The following DENND2C variants were observed in gnomAD, a reference collection of about 807,000 sequenced individuals.
DENND2C encodes DENN domain containing 2C, also known as DENN domain-containing protein 2C.
A neutral mutation model predicts 112.4 loss-of-function variants in DENND2C; 72 were observed. The observed-to-expected ratio is 0.64, with a 90% CI of 0.53 to 0.78. The LOEUF (loss-of-function observed/expected upper bound fraction) is 0.78. DENND2C is among the 30% of genes least tolerant of loss of function. The pLI, the probability that DENND2C is intolerant of heterozygous loss-of-function variation, is 0.00. For synonymous variants in DENND2C, 329 were observed against 381.6 expected (o/e 0.86, Z 1.61); for missense variants, 992 against 1,113.8 (o/e 0.89, Z 1.56).
chr1:114,613,425 A>G lies in DENND2C; in HGVS notation c.1325-2308T>C, dbSNP rs117853954. Among the ~76,000 whole-genome samples the G allele has an allele frequency of 2.6e-4, 40 of 152,344 alleles. No individual in the cohort carries two copies. In the East Asian group the frequency reaches 7.1e-3, roughly 27 times the overall value. On this transcript the variant is annotated intron_variant, in intron 8 of 20. Coordinates refer to ENST00000393274, the MANE Select transcript of DENND2C (RefSeq NM_001256404.2). Reference sequence around the variant, plus strand: ...AAAATAAATGCTGCCTATTCTTAAGATAGGTGGGAAAGACACATAAGAGAT... The same window carrying G: ...AAAATAAATGCTGCCTATTCTTAAGGTAGGTGGGAAAGACACATAAGAGAT...
rs1040275898 is a variant in DENND2C, at chr1:114,645,503, A to G, written c.-260T>C. ...AGCCTCCAGACTTGTGAGAATATCAATCTCTGGCGTTTGAACCACTCAATC... is the reference window on the plus strand; with the variant it reads ...AGCCTCCAGACTTGTGAGAATATCAGTCTCTGGCGTTTGAACCACTCAATC... On this transcript the variant is annotated 5_prime_UTR_variant, in exon 3 of 21. Coordinates refer to ENST00000393274, the MANE Select transcript of DENND2C (RefSeq NM_001256404.2). 3 of 152,192 alleles carry G rather than the reference A, an allele frequency of 2.0e-5. No individual in the cohort carries two copies. The highest frequency in any genetic ancestry group is 2.9e-5 in the Non-Finnish European group (2 of 68,042). 9.4% of individuals were successfully genotyped at this position (152,192 alleles called of 1,614,324 possible). A position where few individuals can be genotyped will look rare whatever the true frequency, so the allele number is the denominator to read the frequency against.
At chr1:114,612,042 A>G (rs1655834122) in intron 8 of DENND2C, among the ~76,000 whole-genome samples, 1 of 152,234 alleles carries the variant, frequency 6.6e-6, no homozygotes, top group Admixed American at 6.5e-5. Context: ...CTTAATATTC[A>G]AAGAACTGTT....
Position 114,620,224 on chromosome 1 carries a change from T to C in DENND2C, c.1227+1671A>G, listed in dbSNP as rs922489871. On this transcript the variant is annotated intron_variant, in intron 7 of 20. Transcript: ENST00000393274. ...TTGCATAAGGGACATCCTAAAAAGA[T>C]TCAATCCAAGGAGGGTCACAGGTAG... 1.1e-4 allele frequency among the ~76,000 whole-genome samples: 17 copies of C among 152,258 alleles called. No individual in the cohort carries two copies. In the East Asian group the frequency reaches 3.3e-3, roughly 29 times the overall value.
chr1:114,667,575 A>C (rs570269814), intron 1 of DENND2C, among the ~76,000 whole-genome samples: 12 of 152,322 alleles, frequency 7.9e-5, no homozygotes, highest in African/African-American at 2.6e-4. Context: ...TAACAAAAAA[A>C]GGGTTCCCAC....
chr1:114,657,016 G>C (rs1003027493), intron 1 of DENND2C, among the ~76,000 whole-genome samples: 1 of 152,198 alleles, frequency 6.6e-6, no homozygotes, highest in African/African-American at 2.4e-5. Context: ...CTCCCAAAGT[G>C]CTGGGATTAC....
Position 114,625,552 on chromosome 1 carries a change from T to G in DENND2C, c.433A>C (p.Thr145Pro), listed in dbSNP as rs530347272. ...ATTTTCTTCCACAGTATTTGTGAGG[T>G]ATAGAAGTTTCCTGGAGGTAATGAA... ...ETSLPPGNFYTSQILWKKIEA... is the reference protein window; with the variant it reads ...ETSLPPGNFYPSQILWKKIEA... Residue 145 changes from threonine (T) to proline (P), a missense_variant, in exon 4 of 21, where the codon ACC becomes CCC. Around this residue, in one of 3 missense-constraint regions of DENND2C, gnomAD observed 470 missense variants for 472.7 expected, o/e 0.99. Coordinates refer to ENST00000393274, the MANE Select transcript of DENND2C (RefSeq NM_001256404.2). The G allele has an allele frequency of 6.2e-7, 1 of 1,614,158 alleles. No individual in the cohort carries two copies. Among genetic ancestry groups the G allele is most frequent in the South Asian group, 1.1e-5 (1 of 91,080 alleles).
chr1:114,639,260 CA>C (rs568668171), intron 3 of DENND2C, among the ~76,000 whole-genome samples: 321 of 152,226 alleles, frequency 2.1e-3, no homozygotes, highest in Non-Finnish European at 3.8e-3. Context: ...CAGTTTCTTA[CA>C]AAATTTAACA....
intron 3 of DENND2C, among the ~76,000 whole-genome samples, chr1:114,639,514 G>A (rs1218978669): frequency 1.3e-5 from 2 of 151,334 alleles, no homozygotes; most frequent in Non-Finnish European, 2.9e-5. Flanking sequence ...CCCATGAGGT[G>A]GAGGTTGCAG....
At chr1:114,660,083 C>A (rs1319122992) in intron 1 of DENND2C, among the ~76,000 whole-genome samples, 2 of 152,186 alleles carry the variant, frequency 1.3e-5, no homozygotes, top group African/African-American at 4.8e-5. Context: ...AGCCACCATG[C>A]CTGACTGAGA....
At chr1:114,587,305 G>C in intron 20 of DENND2C, 82 bp downstream of exon 20, 3 of 1,491,222 alleles carry the variant, frequency 2.0e-6, no homozygotes, top group East Asian at 4.5e-5. Context: ...ACTTGACCTC[G>C]CAAAGTGCTG....
At position 114,625,191 on chromosome 1, in the gene DENND2C, C is replaced by G; in HGVS notation, c.794G>C (p.Gly265Ala). 6.2e-7 allele frequency: 1 copy of G among 1,606,912 alleles called. No individual in the cohort carries two copies. Among genetic ancestry groups the G allele is most frequent in the Non-Finnish European group, 8.5e-7 (1 of 1,177,910 alleles). ...EPKKYGGKIR[G>A]RSKRKSFEFE... ...GATAAAAACATACCTTTTAGATCTT[C>G]CTCTGATTTTTCCACCATATTTCTT... The change falls in exon 4 of 21, where the codon GGA (glycine) becomes GCA (alanine). Residue 265 changes from glycine (G) to alanine (A), a missense_variant. By Grantham distance (60) the Gly-to-Ala change is moderately conservative (BLOSUM62 0). Transcript: ENST00000393274.
chr1:114,658,210 C>T (rs1657385547), intron 1 of DENND2C, among the ~76,000 whole-genome samples: 1 of 152,084 alleles, frequency 6.6e-6, no homozygotes. Flanking sequence ...CAAGAATACA[C>T]AGGTTCCCTA....
Position 114,625,391 on chromosome 1 carries a change from A to G in DENND2C, c.594T>C (p.Pro198=), listed in dbSNP as rs769029217. Residue 198 remains proline (P), a synonymous_variant, in exon 4 of 21, where the codon CCT becomes CCC. Coordinates refer to ENST00000393274, the MANE Select transcript of DENND2C (RefSeq NM_001256404.2). ...TGGAAGGTCCACATTCTTGCCCCTC[A>G]GGTTCAGAGTAAATATTTTCTAAGC... ...TKSLENIYSE[P]EGQECGPSIN... The G allele has an allele frequency of 3.1e-6, 5 of 1,614,148 alleles. No homozygotes were observed. Among genetic ancestry groups the G allele is most frequent in the East Asian group, 2.2e-5 (1 of 44,864 alleles).
At chr1:114,599,661 T>C (rs920307678) in intron 15 of DENND2C, among the ~76,000 whole-genome samples, 4 of 152,174 alleles carry the variant, frequency 2.6e-5, no homozygotes, top group African/African-American at 9.7e-5. Flanking sequence ...TTTCCACAAT[T>C]TCTCATGCGA....
intron 2 of DENND2C, among the ~76,000 whole-genome samples, chr1:114,651,877 G>T (rs1657176668): frequency 6.6e-6 from 1 of 151,938 alleles, no homozygotes; most frequent in African/African-American, 2.4e-5. Context: ...TGTGTAGGAG[G>T]GCTGCCTACT....
intron 16 of DENND2C, among the ~76,000 whole-genome samples, chr1:114,597,192 C>G (rs1655363777): frequency 6.6e-6 from 1 of 152,130 alleles, no homozygotes; most frequent in Admixed American, 6.6e-5. Context: ...TCCAGTAATC[C>G]CAGCACTTTG....
Position 114,583,522 on chromosome 1 carries a change from ACAGG to A in DENND2C, c.*2074_*2077del, listed in dbSNP as rs1654959371. 1 of 152,106 alleles carries A rather than the reference ACAGG, an allele frequency of 6.6e-6. No homozygotes were observed. The highest frequency in any genetic ancestry group is 2.4e-5 in the African/African-American group (1 of 41,304). 9.4% of individuals were successfully genotyped at this position (152,106 alleles called of 1,614,324 possible). On this transcript the variant is annotated 3_prime_UTR_variant, in exon 21 of 21. Coordinates refer to ENST00000393274, the MANE Select transcript of DENND2C (RefSeq NM_001256404.2). ...CACACACACACACACACACACACAC[ACAGG>A]CCGGGTGCAGTGACTCATGCCTGTA... is the stretch of plus-strand genomic sequence containing the variant.
At chr1:114,664,608 G>T (rs12756738) in intron 1 of DENND2C, among the ~76,000 whole-genome samples, 132,674 of 151,646 alleles carry the variant, frequency 0.87, 58,542 homozygotes, top group African/African-American at 0.96. Flanking sequence ...GTCTCCCAAG[G>T]AGCTGGGACT....
At position 114,587,810 on chromosome 1, in the gene DENND2C, G is replaced by A. The variant is rs1320964864; in HGVS notation, c.2574C>T (p.Ser858=). The part of the protein sequence containing the change: ...QREPFRKSHT[S]RSVRHFLDLF... ...GATCCAGGAAGTGGCGTACACTTCG[G>A]GAGGTGTGGGACTTACGGAATGGTT... Residue 858 remains serine (S), a synonymous_variant, in exon 19 of 21, where the codon TCC becomes TCT. Coordinates refer to ENST00000393274, the MANE Select transcript of DENND2C (RefSeq NM_001256404.2). 6.2e-7 allele frequency: 1 copy of A among 1,614,044 alleles called. No homozygotes were observed. Among genetic ancestry groups the A allele is most frequent in the Admixed American group, 1.7e-5 (1 of 60,002 alleles).
Sources: allele counts gnomAD v4.1 joint callset (sites outside exome capture counted in the v4.1 genomes callset), GRCh38; gene constraint gnomAD v4.1.1; regional missense constraint gnomAD v4.1.1; transcripts MANE v1.5; gene names NCBI Gene and HGNC (gene_info 2026-07-23, HGNC 2026-07-21).